PRKD1: variants seen among roughly 807,000 people sequenced by gnomAD.
The protein encoded by PRKD1 is serine/threonine-protein kinase D1.
In PRKD1, 63 loss-of-function variants were observed where a neutral mutation model predicts 95.9. The ratio of observed to expected loss-of-function variants is 0.66; its 90% CI spans 0.54 to 0.81. The LOEUF (loss-of-function observed/expected upper bound fraction) is 0.81. PRKD1 is among the 30% of genes least tolerant of loss of function. The probability of loss-of-function intolerance (pLI) is 0.00; values close to 1 mark genes in which losing one functional copy is unlikely to be tolerated. For synonymous variants in PRKD1, 425 were observed against 423.1 expected (o/e 1.00, Z -0.05); for missense variants, 1,048 against 1,165.3 (o/e 0.90, Z 1.47).
chr14:29,787,582 G>A (rs1389728346), intron 1 of PRKD1, among the ~76,000 whole-genome samples: 1 of 151,820 alleles, frequency 6.6e-6, no homozygotes, highest in Non-Finnish European at 1.5e-5. Context: ...TTATATAATG[G>A]CTTTCTTTAT....
At chr14:29,912,260 G>A (rs549709749) in intron 1 of PRKD1, among the ~76,000 whole-genome samples, 13 of 152,168 alleles carry the variant, frequency 8.5e-5, no homozygotes, top group African/African-American at 2.6e-4. Context: ...TAGACATCTT[G>A]GAGGGTCATT....
intron 2 of PRKD1, among the ~76,000 whole-genome samples, chr14:29,711,309 A>AC (rs777052061): frequency 7.2e-5 from 11 of 152,148 alleles, no homozygotes; most frequent in Non-Finnish European, 1.5e-4. Context: ...AGGGAATAAT[A>AC]TTTTAACTTT....
In PRKD1 at chr14:29,827,458, T is replaced by C. The variant is rs143477983; in HGVS notation, c.264+99791A>G. Among the ~76,000 whole-genome samples, 220 of 152,188 alleles carry C rather than the reference T, an allele frequency of 1.4e-3. 3 individuals carry two copies. In the South Asian group the frequency reaches 0.03, roughly 21 times the overall value. ...GACCATGACCCTCCACTGGTGATCT[T>C]TCACAGGGCCATGCTTCCTTACGGT... On this transcript the variant is annotated intron_variant, in intron 1 of 17. Coordinates refer to ENST00000331968, the MANE Select transcript of PRKD1 (RefSeq NM_002742.3).
chr14:29,822,547 A>G (rs1186935171), intron 1 of PRKD1, among the ~76,000 whole-genome samples: 3 of 152,202 alleles, frequency 2.0e-5, no homozygotes, highest in Admixed American at 6.5e-5. Context: ...CTCCTGTAAG[A>G]GAGACAGCAC....
At chr14:29,779,689 C>T (rs12879314) in intron 1 of PRKD1, among the ~76,000 whole-genome samples, 48,213 of 151,842 alleles carry the variant, frequency 0.32, 9,085 homozygotes, top group African/African-American at 0.53. Flanking sequence ...GAAGAATCAA[C>T]ATCGTGAAAA....
intron 13 of PRKD1, among the ~76,000 whole-genome samples, chr14:29,621,383 CCTCTCTTTCTCTCT>C (rs1030193446): frequency 2.0e-5 from 3 of 151,070 alleles, no homozygotes; most frequent in Non-Finnish European, 3.0e-5. Flanking sequence ...TCTCTCTCTC[CCTCTCTTTCTCTCT>C]CTCTCTTTCT....
chr14:29,690,492 T>C (rs11847410), intron 2 of PRKD1, among the ~76,000 whole-genome samples: 79,128 of 152,052 alleles, frequency 0.52, 23,217 homozygotes, highest in African/African-American at 0.8. Context: ...ACTCCTACTT[T>C]TCAAATCGGC....
intron 1 of PRKD1, among the ~76,000 whole-genome samples, chr14:29,896,851 G>A (rs971871483): frequency 3.3e-5 from 5 of 152,076 alleles, no homozygotes; most frequent in Non-Finnish European, 7.4e-5. Context: ...AGAATAGGGG[G>A]TAGGTGGGTA....
intron 2 of PRKD1, among the ~76,000 whole-genome samples, chr14:29,702,488 C>T (rs1419884434): frequency 6.6e-6 from 1 of 151,958 alleles, no homozygotes; most frequent in Non-Finnish European, 1.5e-5. Context: ...TTATTCCTAA[C>T]TTGCTACACA....
At chr14:29,669,605 C>T (rs975077010) in intron 2 of PRKD1, among the ~76,000 whole-genome samples, 4 of 152,226 alleles carry the variant, frequency 2.6e-5, no homozygotes, top group Admixed American at 2.0e-4. Context: ...TAGTGGCTCA[C>T]GCCTGGGATC....
At chr14:29,626,863 C>T (rs976688186) in intron 11 of PRKD1, among the ~76,000 whole-genome samples, 10 of 151,790 alleles carry the variant, frequency 6.6e-5, no homozygotes, top group Non-Finnish European at 1.2e-4. Context: ...TACAGGCACA[C>T]GCCACCACGC....
At chr14:29,858,254 A>G (rs1171310868) in intron 1 of PRKD1, among the ~76,000 whole-genome samples, 4 of 152,160 alleles carry the variant, frequency 2.6e-5, no homozygotes, top group African/African-American at 9.7e-5. Context: ...TGACCTCATA[A>G]TTCATTGACC....
chr14:29,822,049 C>T (rs1890934819), intron 1 of PRKD1, among the ~76,000 whole-genome samples: 1 of 152,170 alleles, frequency 6.6e-6, no homozygotes, highest in Admixed American at 6.5e-5. Flanking sequence ...CAACTAACTC[C>T]ATGAACCAAT....
chr14:29,897,863 A>T (rs1022530541), intron 1 of PRKD1, among the ~76,000 whole-genome samples: 2 of 152,132 alleles, frequency 1.3e-5, no homozygotes, highest in African/African-American at 2.4e-5. Flanking sequence ...TAAAACTCAG[A>T]ATATTAATGT....
At chr14:29,853,281 T>C (rs1566637428) in intron 1 of PRKD1, among the ~76,000 whole-genome samples, 1 of 152,242 alleles carries the variant, frequency 6.6e-6, no homozygotes. Context: ...GTCCTATAAC[T>C]TTACTGCAAT....
chr14:29,825,987 G>T (rs150641594), intron 1 of PRKD1, among the ~76,000 whole-genome samples: 79 of 151,752 alleles, frequency 5.2e-4, no homozygotes, highest in African/African-American at 1.8e-3. Context: ...CAGAGGAAAA[G>T]AAGTTATGCA....
chr14:29,664,435 G>A (rs1262895477), intron 3 of PRKD1, among the ~76,000 whole-genome samples: 4 of 152,116 alleles, frequency 2.6e-5, no homozygotes, highest in Non-Finnish European at 5.9e-5. Context: ...TTCCCACCTA[G>A]GCAAGTGTCA....
At chr14:29,684,861 C>T (rs1408433710) in intron 2 of PRKD1, among the ~76,000 whole-genome samples, 1 of 152,186 alleles carries the variant, frequency 6.6e-6, no homozygotes, top group Non-Finnish European at 1.5e-5. Flanking sequence ...TGCAATTTTT[C>T]CAGTGGACTA....
chr14:29,852,513 C>A (rs1181638699), intron 1 of PRKD1, among the ~76,000 whole-genome samples: 1 of 150,244 alleles, frequency 6.7e-6, no homozygotes, highest in African/African-American at 2.5e-5. Flanking sequence ...CTAACAAGTG[C>A]ATTGTGGGAG....
Sources: allele counts gnomAD v4.1 joint callset (sites outside exome capture counted in the v4.1 genomes callset), GRCh38; gene constraint gnomAD v4.1.1; transcripts MANE v1.5; gene names NCBI Gene and HGNC (gene_info 2026-07-23, HGNC 2026-07-21).